The following ADAMTS17 variants were observed in gnomAD, a reference collection of about 807,000 sequenced individuals.
ADAMTS17 encodes the protein ADAM metallopeptidase with thrombospondin type 1 motif 17.
A neutral mutation model predicts 141.5 loss-of-function variants in ADAMTS17; 113 were observed. The observed-to-expected ratio is 0.80, with a 90% confidence interval of 0.69 to 0.93. ADAMTS17 has a LOEUF of 0.93. Among genes scored for constraint, ADAMTS17 ranks in the 40% least tolerant of loss-of-function variants. The pLI, the probability that ADAMTS17 is intolerant of heterozygous loss-of-function variation, is 0.00. For missense variants in ADAMTS17, 1,659 were observed against 1,517.9 expected (o/e 1.09, Z -1.54); for synonymous variants, 768 against 630.6 (o/e 1.22, Z -3.27).
chr15:100,255,925 T>A (rs2043311946), intron 6 of ADAMTS17, among the ~76,000 whole-genome samples: 1 of 152,200 alleles, frequency 6.6e-6, no homozygotes, highest in Non-Finnish European at 1.5e-5. Flanking sequence ...ACTGCTTCAC[T>A]GGAGGAAGAG....
At chr15:99,989,529 C>T (rs1454875918) in intron 20 of ADAMTS17, among the ~76,000 whole-genome samples, 3 of 152,240 alleles carry the variant, frequency 2.0e-5, no homozygotes, top group Non-Finnish European at 2.9e-5. Flanking sequence ...CCTTCTACAC[C>T]TTCTGGACTC....
At chr15:100,253,309 G>A (rs1331008744) in intron 7 of ADAMTS17, among the ~76,000 whole-genome samples, 1 of 141,936 alleles carries the variant, frequency 7.0e-6, no homozygotes, top group African/African-American at 2.7e-5. Flanking sequence ...AGACATAACT[G>A]AGGACGGGAG....
At position 100,096,401 on chromosome 15, in the gene ADAMTS17, T is replaced by C. The variant is rs200441121; in HGVS notation, c.2092A>G (p.Thr698Ala). The C allele has an allele frequency of 1.2e-6, 2 of 1,613,124 alleles. No homozygotes were observed. The highest frequency in any genetic ancestry group is 2.7e-5 in the African/African-American group (2 of 74,922). The change falls in exon 15 of 22, where the codon ACC (threonine) becomes GCC (alanine). Residue 698 changes from threonine to alanine, a missense_variant. Physicochemically the swap from Thr to Ala is moderately conservative, Grantham distance 58 (BLOSUM62 0). Coordinates refer to ENST00000268070, the MANE Select transcript of ADAMTS17 (RefSeq NM_139057.4). ...AAGTCGCCCTTCACCAAGTGGCAGGTCTTGCCGTCCCCGCTGCAGACCCCG... is the reference window on the plus strand; with the variant it reads ...AAGTCGCCCTTCACCAAGTGGCAGGCCTTGCCGTCCCCGCTGCAGACCCCG... ...RCGVCSGDGK[T>A]CHLVKGDFSH...
intron 15 of ADAMTS17, among the ~76,000 whole-genome samples, chr15:100,054,648 G>C (rs1375845241): frequency 6.6e-6 from 1 of 152,132 alleles, no homozygotes; most frequent in Non-Finnish European, 1.5e-5. Context: ...GGAAACCCTA[G>C]CCACCCACAG....
intron 6 of ADAMTS17, among the ~76,000 whole-genome samples, chr15:100,257,370 C>A (rs191202498): frequency 6.6e-6 from 1 of 152,244 alleles, no homozygotes; most frequent in Non-Finnish European, 1.5e-5. Context: ...CGGCCTCCCC[C>A]GTCCTTCAAG....
At chr15:100,274,432 C>T (rs2142046740) in intron 4 of ADAMTS17, among the ~76,000 whole-genome samples, 1 of 152,240 alleles carries the variant, frequency 6.6e-6, no homozygotes, top group East Asian at 1.9e-4. Context: ...CCCTTTGCCT[C>T]TTGGAAGCTT....
chr15:100,210,342 G>C (rs1692568676), intron 7 of ADAMTS17, among the ~76,000 whole-genome samples: 1 of 150,880 alleles, frequency 6.6e-6, no homozygotes, highest in Non-Finnish European at 1.5e-5. Flanking sequence ...CTTACTATGT[G>C]TGTACCAGGT....
At chr15:100,340,879 C>G (rs1462057949) in intron 2 of ADAMTS17, 160 bp downstream of exon 2, 2 of 1,164,350 alleles carry the variant, frequency 1.7e-6, no homozygotes, top group Non-Finnish European at 2.4e-6. Flanking sequence ...GTACCGAAGG[C>G]CGGGGTGGGG....
At chr15:99,990,053 G>A (rs2060660650) in intron 20 of ADAMTS17, among the ~76,000 whole-genome samples, 1 of 152,132 alleles carries the variant, frequency 6.6e-6, no homozygotes, top group South Asian at 2.1e-4. Context: ...GGTTCGAAGT[G>A]CATCTTTCTT....
intron 3 of ADAMTS17, among the ~76,000 whole-genome samples, chr15:100,286,250 C>T (rs1475864179): frequency 6.6e-6 from 1 of 152,214 alleles, no homozygotes; most frequent in Admixed American, 6.5e-5. Context: ...GTGCACCCTG[C>T]TGCCCTACCA....
intron 4 of ADAMTS17, among the ~76,000 whole-genome samples, chr15:100,275,738 G>C (rs9328576): frequency 6.6e-6 from 1 of 151,592 alleles, no homozygotes; most frequent in African/African-American, 2.4e-5. Context: ...TGCCATCTGG[G>C]ACAGCTGGTG....
chr15:100,110,081 C>T lies in ADAMTS17; in HGVS notation c.1889-965G>A, dbSNP rs2141104707. Among the ~76,000 whole-genome samples the T allele has an allele frequency of 2.0e-5, 3 of 149,904 alleles. No homozygotes were observed. The South Asian group carries it at 6.3e-4, about 31-fold the overall frequency. ...TCTTCAGATTGAAGTAATGCTGGGTCTGTGAACTCTTAGAGGGCAGGGGAC... is the reference window on the plus strand; with the variant it reads ...TCTTCAGATTGAAGTAATGCTGGGTTTGTGAACTCTTAGAGGGCAGGGGAC... On this transcript the variant is annotated intron_variant, in intron 13 of 21. Transcript: ENST00000268070.
chr15:100,182,781 T>C (rs2040569822), intron 8 of ADAMTS17, among the ~76,000 whole-genome samples: 1 of 152,194 alleles, frequency 6.6e-6, no homozygotes, highest in African/African-American at 2.4e-5. Flanking sequence ...CTCTGGTCTC[T>C]GGTTGTTTTG....
intron 18 of ADAMTS17, among the ~76,000 whole-genome samples, chr15:100,009,219 T>C (rs1224000205): frequency 6.6e-6 from 1 of 152,178 alleles, no homozygotes; most frequent in African/African-American, 2.4e-5. Context: ...ACCTGCTGGT[T>C]TCCCTTTACA....
intron 15 of ADAMTS17, among the ~76,000 whole-genome samples, chr15:100,087,327 A>G (rs944418479): frequency 7.9e-5 from 12 of 152,192 alleles, no homozygotes; most frequent in Non-Finnish European, 1.5e-4. Context: ...AACAGGCTCA[A>G]AAATTTAGGC....
intron 18 of ADAMTS17, among the ~76,000 whole-genome samples, chr15:100,008,679 T>C (rs1346285776): frequency 1.3e-5 from 2 of 152,232 alleles, no homozygotes; most frequent in East Asian, 1.9e-4. Context: ...CAGGGAGACT[T>C]GGGCATCTGA....
chr15:100,092,394 C>A (rs2035525278), intron 15 of ADAMTS17, among the ~76,000 whole-genome samples: 1 of 152,246 alleles, frequency 6.6e-6, no homozygotes, highest in African/African-American at 2.4e-5. Flanking sequence ...CCAAGCATGT[C>A]ACTGCTGGGA....
chr15:100,274,251 C>G (rs1303903462), intron 4 of ADAMTS17, among the ~76,000 whole-genome samples: 3 of 152,152 alleles, frequency 2.0e-5, no homozygotes, highest in African/African-American at 7.2e-5. Context: ...GTTGTTCTAT[C>G]TACTAATGAG....
rs577853496 is a variant in ADAMTS17, at chr15:100,280,707, G to T, written c.789+522C>A. On this transcript the variant is annotated intron_variant, in intron 4 of 21. Coordinates refer to ENST00000268070, the MANE Select transcript of ADAMTS17 (RefSeq NM_139057.4). Reference sequence around the variant, plus strand: ...CTAGGATGCCCTTGAAGGTCCTTCAGTGTCTAACATTTGAGGAGTCAGCCT... The same window carrying T: ...CTAGGATGCCCTTGAAGGTCCTTCATTGTCTAACATTTGAGGAGTCAGCCT... 4.9e-4 allele frequency among the ~76,000 whole-genome samples: 75 copies of T among 152,294 alleles called. No homozygotes were observed. The South Asian group carries it at 7.3e-3, about 15-fold the overall frequency.
Sources: allele counts gnomAD v4.1 joint callset (sites outside exome capture counted in the v4.1 genomes callset), GRCh38; gene constraint gnomAD v4.1.1; transcripts MANE v1.5; gene names NCBI Gene and HGNC (gene_info 2026-07-23, HGNC 2026-07-21).